The following WDFY3 variants were observed in gnomAD, a reference collection of about 807,000 sequenced individuals.
WDFY3 encodes WD repeat and FYVE domain containing 3.
WDFY3 carries 66 observed loss-of-function variants against 409.6 expected under a neutral mutation model. The observed-to-expected ratio is 0.16, with a 90% CI of 0.13 to 0.20. The LOEUF (loss-of-function observed/expected upper bound fraction) is 0.20, where lower values mean the gene tolerates loss of function less well. Among genes scored for constraint, WDFY3 ranks in the 10% least tolerant of loss-of-function variants. The pLI, the probability that WDFY3 is intolerant of heterozygous loss-of-function variation, is 1.00. For missense variants in WDFY3, 3,031 were observed against 4,298.1 expected, an observed-to-expected ratio of 0.71 and a Z score of 8.24; for synonymous variants, 1,521 against 1,537.1, an observed-to-expected ratio of 0.99 and a Z score of 0.25.
chr4:84,819,977 A>G (rs2149811473), intron 12 of WDFY3, 108 bp downstream of exon 12: 1 of 990,632 alleles, frequency 1.0e-6, no homozygotes, highest in East Asian at 2.6e-5. Context: ...CACTGAATCA[A>G]TAGTTTTTTC....
chr4:84,907,432 A>G (rs542707227), intron 2 of WDFY3, among the ~76,000 whole-genome samples: 1 of 152,304 alleles, frequency 6.6e-6, no homozygotes, highest in South Asian at 2.1e-4. Flanking sequence ...CCACATGAGT[A>G]GAAACCAAAG....
chr4:84,678,979 G>A lies in WDFY3; in HGVS notation c.10087C>T (p.Pro3363Ser), dbSNP rs1421367006. 1.9e-6 allele frequency: 3 copies of A among 1,614,092 alleles called. No individual in the cohort carries two copies. The highest frequency in any genetic ancestry group is 2.2e-5 in the East Asian group (1 of 44,892). Reference sequence around the variant, plus strand: ...GGATTGGGGTGGGGGTGGCTAAGGGGGCCCTGCAGATGGGCTCTGGTCTGG... The same window carrying A: ...GGATTGGGGTGGGGGTGGCTAAGGGAGCCCTGCAGATGGGCTCTGGTCTGG... ...EGQTRAHLQG[P>S]LSHPHPNPIE... The change falls in exon 65 of 68, where the codon CCC (proline) becomes TCC (serine). Residue 3363 changes from proline (P) to serine (S), a missense_variant. This residue lies in a region of WDFY3 where 378 missense variants were observed against 477.3 expected (regional missense o/e 0.79). Coordinates refer to ENST00000295888, the MANE Select transcript of WDFY3 (RefSeq NM_014991.6).
At chr4:84,801,226 T>C (rs1027269276) in intron 17 of WDFY3, among the ~76,000 whole-genome samples, 1 of 152,172 alleles carries the variant, frequency 6.6e-6, no homozygotes, top group African/African-American at 2.4e-5. Context: ...TATAGTTATG[T>C]AAGGTGTAAC....
intron 1 of WDFY3, among the ~76,000 whole-genome samples, chr4:84,957,069 A>T (rs2151169258): frequency 6.6e-6 from 1 of 152,028 alleles, no homozygotes; most frequent in Non-Finnish European, 1.5e-5. Flanking sequence ...TAATGTGCTT[A>T]TTTAATAGTG....
chr4:84,691,837 A>C, intron 59 of WDFY3, 52 bp from the exon 60 acceptor site: 6 of 1,499,798 alleles, frequency 4.0e-6, no homozygotes, highest in Non-Finnish European at 5.5e-6. Context: ...AACTAATGTC[A>C]TTATCTCATA....
chr4:84,732,997 T>C (rs1736857184), intron 44 of WDFY3, among the ~76,000 whole-genome samples: 1 of 152,170 alleles, frequency 6.6e-6, no homozygotes, highest in South Asian at 2.1e-4. Context: ...TCTAAGTACT[T>C]AACTAATTTT....
intron 13 of WDFY3, among the ~76,000 whole-genome samples, chr4:84,815,953 G>A (rs11940030): frequency 0.13 from 19,440 of 151,998 alleles, 1,719 homozygotes; most frequent in African/African-American, 0.24. Flanking sequence ...TTATTACTAC[G>A]ATAGTTCATA....
intron 38 of WDFY3, 149 bp downstream of exon 38, chr4:84,741,612 G>T: frequency 1.1e-6 from 1 of 942,506 alleles, no homozygotes; most frequent in Non-Finnish European, 1.5e-6. Flanking sequence ...ACTGCGCCCA[G>T]CCTGTCTCTA....
At chr4:84,742,219 T>G (rs1429741376) in intron 37 of WDFY3, among the ~76,000 whole-genome samples, 2 of 152,204 alleles carry the variant, frequency 1.3e-5, no homozygotes, top group Admixed American at 6.5e-5. Context: ...TCACAGCTGT[T>G]CTCCATTTGA....
intron 6 of WDFY3, among the ~76,000 whole-genome samples, chr4:84,838,778 T>G (rs1311108682): frequency 1.3e-5 from 2 of 152,212 alleles, no homozygotes; most frequent in Admixed American, 1.3e-4. Flanking sequence ...CTGCTATGTC[T>G]CAAAGTTTAC....
At chr4:84,949,906 A>C (rs1452408938) in intron 1 of WDFY3, among the ~76,000 whole-genome samples, 1 of 152,202 alleles carries the variant, frequency 6.6e-6, no homozygotes, top group Non-Finnish European at 1.5e-5. Flanking sequence ...TACTGTGGCT[A>C]AGGTGGGAAG....
chr4:84,803,213 CT>C, intron 16 of WDFY3, 76 bp downstream of exon 16: 4 of 1,428,808 alleles, frequency 2.8e-6, no homozygotes, highest in Non-Finnish European at 2.8e-6. Context: ...CCTCAACCCC[CT>C]AGCTCATATA....
At chr4:84,784,891 T>TATATATATACAC (rs1238884117) in intron 24 of WDFY3, among the ~76,000 whole-genome samples, 22 of 36,922 alleles carry the variant, frequency 6.0e-4, no homozygotes, top group African/African-American at 1.5e-3. Context: ...TATATATATA[T>TATATATATACAC]ACACACACAC....
intron 55 of WDFY3, 58 bp from the exon 56 acceptor site, chr4:84,702,564 G>A (rs558228412): frequency 4.2e-6 from 6 of 1,440,504 alleles, no homozygotes; most frequent in Admixed American, 2.9e-5. Flanking sequence ...GACAGCTTCT[G>A]TCAAGTTCAA....
intron 5 of WDFY3, among the ~76,000 whole-genome samples, chr4:84,842,680 A>T (rs1288639404): frequency 6.6e-6 from 1 of 151,222 alleles, no homozygotes; most frequent in African/African-American, 2.4e-5. Flanking sequence ...TACTTGGGAG[A>T]CTGAGGCAGG....
chr4:84,948,712 C>T lies in WDFY3; in HGVS notation c.-225-16349G>A, dbSNP rs540979030. ...TCTGCTGTCCTTTTCCTGTTTATAG[C>T]TCAGCTATTATAACTAAGCTTCTGC... On this transcript the variant is annotated intron_variant, in intron 1 of 67. Coordinates refer to ENST00000295888, the MANE Select transcript of WDFY3 (RefSeq NM_014991.6). Among the ~76,000 whole-genome samples the T allele has an allele frequency of 5.3e-5, 8 of 152,294 alleles. No individual in the cohort carries two copies. In the South Asian group the frequency reaches 8.3e-4, roughly 16 times the overall value.
Position 84,860,456 on chromosome 4 carries a change from C to G in WDFY3, c.136G>C (p.Glu46Gln). 1 of 1,614,090 alleles carries G rather than the reference C, an allele frequency of 6.2e-7. No homozygotes were observed. The highest frequency in any genetic ancestry group is 8.5e-7 in the Non-Finnish European group (1 of 1,179,982). ...CHPPRHMTQK[E>Q]QEEKLYMMLP... ...ATCATATACAGTTTCTCTTCTTGTTCCTTCTGAGTCATGTGCCGGGGAGGA... is the reference window on the plus strand; with the variant it reads ...ATCATATACAGTTTCTCTTCTTGTTGCTTCTGAGTCATGTGCCGGGGAGGA... The change falls in exon 4 of 68, where the codon GAA (glutamate) becomes CAA (glutamine). Residue 46 changes from glutamate (E) to glutamine (Q), a missense_variant. Around this residue, in one of 16 missense-constraint regions of WDFY3, gnomAD observed 1,322 missense variants for 1,697.9 expected, o/e 0.78. Transcript: ENST00000295888.
intron 36 of WDFY3, among the ~76,000 whole-genome samples, chr4:84,744,852 CAAAAA>C (rs1165273561): frequency 6.4e-4 from 10 of 15,746 alleles, no homozygotes; most frequent in African/African-American, 9.9e-4. Context: ...GACTCCGTCT[CAAAAA>C]AAAAAAAAAA....
At chr4:84,874,854 C>T (rs1762559254) in intron 3 of WDFY3, among the ~76,000 whole-genome samples, 1 of 152,094 alleles carries the variant, frequency 6.6e-6, no homozygotes, top group South Asian at 2.1e-4. Flanking sequence ...AGAAAGTGCA[C>T]ATACAAAAAC....
Sources: gnomAD v4.1 joint callset for allele counts (sites outside exome capture counted in the v4.1 genomes callset) on GRCh38, gnomAD v4.1.1 for gene constraint, gnomAD v4.1.1 regional missense constraint, MANE v1.5 for transcripts, NCBI Gene and HGNC (gene_info 2026-07-23, HGNC 2026-07-21) for gene names.